HORMAD1: variants seen among roughly 807,000 people sequenced by gnomAD.
The protein encoded by HORMAD1 is HORMA domain-containing protein 1.
In HORMAD1, 33 loss-of-function variants were observed where a neutral mutation model predicts 58.2. The ratio of observed to expected loss-of-function variants is 0.57; its 90% CI spans 0.43 to 0.76. The LOEUF (loss-of-function observed/expected upper bound fraction) is 0.76. HORMAD1 is among the 30% of genes least tolerant of loss of function. The pLI is 0.00. For synonymous variants in HORMAD1, 137 were observed against 144.6 expected, an observed-to-expected ratio of 0.95 and a Z score of 0.38; for missense variants, 363 against 462.0, an observed-to-expected ratio of 0.79 and a Z score of 1.96.
At chr1:150,716,941 C>G (rs1269301408) in intron 3 of HORMAD1, among the ~76,000 whole-genome samples, 197 bp downstream of exon 3, 7 of 119,980 alleles carry the variant, frequency 5.8e-5, no homozygotes, top group Admixed American at 1.1e-4. Flanking sequence ...CCAGCCCGGG[C>G]GAGACCCCGT....
Position 150,711,825 on chromosome 1 carries a change from ATACT to A in HORMAD1, c.300+4_300+7del, listed in dbSNP as rs1651914993. 8 of 1,575,498 alleles carry A rather than the reference ATACT, an allele frequency of 5.1e-6. No individual in the cohort carries two copies. The highest frequency in any genetic ancestry group is 7.0e-6 in the Non-Finnish European group (8 of 1,149,432). ...TAAAAAAAGAACACACAATTTAAAA[ATACT>A]TACAGCTAGAACAACCATCCTTAGC... On this transcript the variant is annotated splice_donor_5th_base_variant and intron_variant, in intron 6 of 14. Transcript: ENST00000361824.
intron 14 of HORMAD1, among the ~76,000 whole-genome samples, chr1:150,699,807 C>T (rs1003245577): frequency 2.6e-5 from 4 of 151,802 alleles, no homozygotes; most frequent in Admixed American, 1.3e-4. Flanking sequence ...GCTGGGATTA[C>T]AGGCATGAGC....
At chr1:150,719,360 GT>G in intron 2 of HORMAD1, 112 bp downstream of exon 2, 1 of 678,326 alleles carries the variant, frequency 1.5e-6, no homozygotes, top group Non-Finnish European at 2.6e-6. Context: ...CAGTTTCCTG[GT>G]ATCATAAAAC....
chr1:150,703,966 T>A, intron 12 of HORMAD1, 152 bp downstream of exon 12: 1 of 570,774 alleles, frequency 1.8e-6, no homozygotes, highest in Non-Finnish European at 3.0e-6. Flanking sequence ...CATCAACATA[T>A]AATTTCCAGA....
In HORMAD1 at chr1:150,706,541, A is replaced by G. The variant is rs892991359; in HGVS notation, c.804+12T>C. ...TTATTATTGTTCTTTATAACTCTTG[A>G]AATACACTTACACTTGTATAATGCT... On this transcript the variant is annotated intron_variant, in intron 10 of 14. Coordinates refer to ENST00000361824, the MANE Select transcript of HORMAD1 (RefSeq NM_032132.5). The G allele has an allele frequency of 1.3e-6, 2 of 1,580,402 alleles. No individual in the cohort carries two copies. Among genetic ancestry groups the G allele is most frequent in the African/African-American group, 2.7e-5 (2 of 73,722 alleles).
At chr1:150,701,850 T>C (rs587746859) in intron 13 of HORMAD1, 5 of 152,324 alleles carry the variant, frequency 3.3e-5, no homozygotes, top group Admixed American at 3.3e-4. Context: ...ATACTCAATT[T>C]ATAAGACTGA....
chr1:150,717,196 A>G lies in HORMAD1; in HGVS notation c.120T>C (p.Cys40=), dbSNP rs1652107511. Residue 40 remains cysteine (C), a synonymous_variant, in exon 3 of 15, where the codon TGT becomes TGC. Transcript: ENST00000361824. ...VKRLLAVSVS[C]ITYLRGIFPE... The stretch of plus-strand genomic sequence containing the variant: ...GGAATATTCCCCTCAAATACGTGAT[A>G]CAGGATACTGAAACTGCTAGAAGCC... The G allele has an allele frequency of 6.3e-7, 1 of 1,595,906 alleles. No individual in the cohort carries two copies. Among genetic ancestry groups the G allele is most frequent in the South Asian group, 1.1e-5 (1 of 89,148 alleles).
At position 150,698,710 on chromosome 1, in the gene HORMAD1, TA is replaced by T; in HGVS notation, c.1128del (p.Ser377ValfsTer36). 6.3e-7 allele frequency: 1 copy of T among 1,598,494 alleles called. No individual in the cohort carries two copies. The highest frequency in any genetic ancestry group is 8.6e-7 in the Non-Finnish European group (1 of 1,167,662). ...CTCCTTTTTGGCACTGACTCTTGAC[TA>T]GAAGAATCAAAGTGATGGAGGACCT... ...GRIVLHHFDS[S>X]SQESVPKRRK... On this transcript the variant is annotated frameshift_variant, in exon 15 of 15. Coordinates refer to ENST00000361824, the MANE Select transcript of HORMAD1 (RefSeq NM_032132.5). LOFTEE classifies it high-confidence loss of function.
chr1:150,717,048 A>C (rs1251199582), intron 3 of HORMAD1, 90 bp downstream of exon 3: 1 of 771,606 alleles, frequency 1.3e-6, no homozygotes, highest in African/African-American at 1.8e-5. Context: ...CTATTAAAAT[A>C]AAATTTCTAA....
chr1:150,714,080 C>T lies in HORMAD1; in HGVS notation c.279+5G>A. ...AAAAAAGGATAAAGAGATTGCAAGACTTACATATTTTTTCTGTAAAGCATC... is the reference window on the plus strand; with the variant it reads ...AAAAAAGGATAAAGAGATTGCAAGATTTACATATTTTTTCTGTAAAGCATC... On this transcript the variant is annotated splice_donor_5th_base_variant and intron_variant, in intron 5 of 14. Transcript: ENST00000361824. 1 of 1,508,326 alleles carries T rather than the reference C, an allele frequency of 6.6e-7. No homozygotes were observed. The highest frequency in any genetic ancestry group is 9.1e-7 in the Non-Finnish European group (1 of 1,095,834). The allele number at this position is 1,508,326 out of a possible 1,614,324, so 93.4% of individuals were successfully genotyped here.
At chr1:150,703,451 C>T in intron 12 of HORMAD1, 58 bp from the exon 13 acceptor site, 2 of 940,642 alleles carry the variant, frequency 2.1e-6, no homozygotes, top group East Asian at 2.7e-5. Context: ...CTTTTCATAA[C>T]ACAATAAATG....
intron 7 of HORMAD1, 170 bp from the exon 8 acceptor site, chr1:150,709,131 G>A: frequency 3.3e-6 from 2 of 597,566 alleles, no homozygotes; most frequent in Admixed American, 5.8e-5. Context: ...CATGGTTTGG[G>A]TTTGGGGCTT....
At chr1:150,720,404 T>C (rs1652215422) in intron 1 of HORMAD1, among the ~76,000 whole-genome samples, 1 of 151,914 alleles carries the variant, frequency 6.6e-6, no homozygotes. Context: ...GGTTTCGCCA[T>C]GTTGGTCAGG....
intron 5 of HORMAD1, among the ~76,000 whole-genome samples, chr1:150,712,884 C>T (rs150469414): frequency 6.6e-6 from 1 of 152,190 alleles, no homozygotes; most frequent in Non-Finnish European, 1.5e-5. Context: ...TATTACATTT[C>T]TATGTATAAG....
chr1:150,708,487 G>A (rs1651765118), intron 8 of HORMAD1, 80 bp from the exon 9 acceptor site: 2 of 907,700 alleles, frequency 2.2e-6, no homozygotes, highest in African/African-American at 3.5e-5. Flanking sequence ...AACTATTTGA[G>A]ATTCTTATTT....
At chr1:150,711,698 A>G in intron 6 of HORMAD1, 127 bp from the exon 7 acceptor site, 2 of 941,940 alleles carry the variant, frequency 2.1e-6, no homozygotes, top group Non-Finnish European at 1.7e-6. Flanking sequence ...CCAAAATATT[A>G]CTTTTTCATT....
At chr1:150,707,639 C>T (rs72702556) in intron 9 of HORMAD1, among the ~76,000 whole-genome samples, 58,308 of 152,064 alleles carry the variant, frequency 0.38, 11,509 homozygotes, top group South Asian at 0.55. Context: ...CTCGCGTGTA[C>T]AAAAGTGCCT....
At chr1:150,704,061 C>G (rs1651611706) in intron 12 of HORMAD1, 57 bp downstream of exon 12, 1 of 1,096,322 alleles carries the variant, frequency 9.1e-7, no homozygotes, top group Non-Finnish European at 1.3e-6. Context: ...AAAATTAGCG[C>G]ATAAGCAACT....
chr1:150,713,367 C>T (rs1052834105), intron 5 of HORMAD1, among the ~76,000 whole-genome samples: 9 of 151,978 alleles, frequency 5.9e-5, no homozygotes, highest in African/African-American at 9.7e-5. Context: ...ACATAACGGG[C>T]GCTCAATATT....
Sources: allele counts gnomAD v4.1 joint callset (sites outside exome capture counted in the v4.1 genomes callset), GRCh38; gene constraint gnomAD v4.1.1; transcripts MANE v1.5; gene names NCBI Gene and HGNC (gene_info 2026-07-23, HGNC 2026-07-21).